The following IPO11 variants were observed in gnomAD, a reference collection of about 807,000 sequenced individuals.
IPO11 encodes importin-11.
Under a neutral mutation model 143.2 loss-of-function variants are expected in IPO11, and 66 were observed. The ratio of observed to expected loss-of-function variants is 0.46; its 90% confidence interval spans 0.38 to 0.57. The LOEUF (loss-of-function observed/expected upper bound fraction) is 0.57, where lower values mean the gene tolerates loss of function less well. Ranked by LOEUF, IPO11 falls within the 20% of genes least tolerant of loss-of-function variation. The pLI, the probability that IPO11 is intolerant of heterozygous loss-of-function variation, is 0.00. For synonymous variants in IPO11, 385 were observed against 377.8 expected, an observed-to-expected ratio of 1.02 and a Z score of -0.22; for missense variants, 1,026 against 1,141.0, an observed-to-expected ratio of 0.90 and a Z score of 1.45.
chr5:62,480,152 A>T (rs1348660966), intron 9 of IPO11, among the ~76,000 whole-genome samples: 1 of 152,218 alleles, frequency 6.6e-6, no homozygotes, highest in Non-Finnish European at 1.5e-5. Flanking sequence ...TCAGCTTTCT[A>T]CATATGGCTA....
chr5:62,577,580 A>G (rs776743832), intron 27 of IPO11, among the ~76,000 whole-genome samples: 6 of 152,104 alleles, frequency 3.9e-5, no homozygotes, highest in Non-Finnish European at 8.8e-5. Flanking sequence ...CCCTACCTCA[A>G]ATTCATATCA....
chr5:62,454,280 C>T (rs767940252), intron 5 of IPO11, among the ~76,000 whole-genome samples: 2 of 152,134 alleles, frequency 1.3e-5, no homozygotes, highest in Admixed American at 6.6e-5. Context: ...GGAAATGGAC[C>T]GTTCACTCAC....
chr5:62,549,642 G>A (rs1743327686), intron 24 of IPO11, among the ~76,000 whole-genome samples: 1 of 152,122 alleles, frequency 6.6e-6, no homozygotes, highest in African/African-American at 2.4e-5. Context: ...TGGGGTAAAT[G>A]TCCTTCTTGG....
At chr5:62,545,372 G>A (rs1158304869) in intron 24 of IPO11, among the ~76,000 whole-genome samples, 1 of 152,150 alleles carries the variant, frequency 6.6e-6, no homozygotes, top group African/African-American at 2.4e-5. Flanking sequence ...TTAATAAATG[G>A]TGCTGGGAAA....
chr5:62,614,853 G>A (rs1746070073), intron 29 of IPO11, among the ~76,000 whole-genome samples: 1 of 152,090 alleles, frequency 6.6e-6, no homozygotes, highest in African/African-American at 2.4e-5. Flanking sequence ...TGAAGATGGT[G>A]AATGTGGGGG....
intron 27 of IPO11, among the ~76,000 whole-genome samples, chr5:62,570,985 A>G (rs191680364): frequency 1.1e-4 from 16 of 152,310 alleles, no homozygotes; most frequent in Admixed American, 3.9e-4. Context: ...AGTTGATGTG[A>G]TATAGAAAAA....
chr5:62,551,192 A>G lies in IPO11; in HGVS notation c.2347-31A>G, dbSNP rs138304551. The G allele has an allele frequency of 8.0e-3, 9,787 of 1,222,062 alleles. 70 individuals carry two copies. The highest frequency in any genetic ancestry group is 0.016 in the South Asian group (1,220 of 75,558). 75.7% of individuals were successfully genotyped at this position (1,222,062 alleles called of 1,614,324 possible). On this transcript the variant is annotated intron_variant, in intron 25 of 29. Coordinates refer to ENST00000325324, the MANE Select transcript of IPO11 (RefSeq NM_016338.5). ...TTGTTTTTACTTGTACCATAACACA[A>G]TTTTACATGTGTTGTATTTTAATTG...
chr5:62,537,650 A>C (rs1742781598), intron 24 of IPO11, among the ~76,000 whole-genome samples: 1 of 152,120 alleles, frequency 6.6e-6, no homozygotes, highest in African/African-American at 2.4e-5. Flanking sequence ...TTATTCTTTC[A>C]TTTTGTTAGT....
intron 27 of IPO11, among the ~76,000 whole-genome samples, chr5:62,585,190 C>T (rs554119271): frequency 1.2e-4 from 19 of 152,180 alleles, no homozygotes; most frequent in African/African-American, 4.6e-4. Context: ...CAACTTAATA[C>T]ATAAGTTGGT....
At chr5:62,522,615 T>C (rs998897375) in intron 20 of IPO11, among the ~76,000 whole-genome samples, 2 of 152,168 alleles carry the variant, frequency 1.3e-5, no homozygotes, top group African/African-American at 4.8e-5. Context: ...TAGGATGGTC[T>C]GGTTGGGTTT....
intron 29 of IPO11, among the ~76,000 whole-genome samples, chr5:62,621,059 C>T (rs546465380): frequency 1.2e-4 from 18 of 152,296 alleles, no homozygotes; most frequent in African/African-American, 4.1e-4. Flanking sequence ...CATTTCTGCT[C>T]ACATTCCATT....
At chr5:62,583,172 T>C (rs1489629511) in intron 27 of IPO11, among the ~76,000 whole-genome samples, 1 of 152,196 alleles carries the variant, frequency 6.6e-6, no homozygotes, top group Non-Finnish European at 1.5e-5. Flanking sequence ...TATTTTTTTC[T>C]TTGTTGTATC....
intron 5 of IPO11, among the ~76,000 whole-genome samples, chr5:62,463,255 A>T (rs1745438435): frequency 6.6e-6 from 1 of 152,098 alleles, no homozygotes; most frequent in South Asian, 2.1e-4. Context: ...TTTGTTGCCT[A>T]GGTGGGTCTT....
chr5:62,461,028 C>T (rs1203972636), intron 5 of IPO11, among the ~76,000 whole-genome samples: 2 of 152,098 alleles, frequency 1.3e-5, no homozygotes, highest in Admixed American at 1.3e-4. Flanking sequence ...TTATCTCTCT[C>T]CCTGCTTTTA....
chr5:62,443,418 T>C (rs868798738), intron 3 of IPO11: 76 of 160,420 alleles, frequency 4.7e-4, no homozygotes, highest in East Asian at 3.8e-3. Context: ...TGTGTGTGTG[T>C]GTGCGTGTGT....
At chr5:62,544,940 A>G (rs1388719027) in intron 24 of IPO11, among the ~76,000 whole-genome samples, 5 of 152,194 alleles carry the variant, frequency 3.3e-5, no homozygotes, top group Admixed American at 6.5e-5. Flanking sequence ...GCTCAACGAA[A>G]TAAAAGAGGA....
At chr5:62,467,373 G>C in intron 6 of IPO11, 110 bp downstream of exon 6, 4 of 1,137,002 alleles carry the variant, frequency 3.5e-6, no homozygotes, top group South Asian at 1.6e-5. Context: ...AAAAATAAGA[G>C]GTTTATTTCT....
chr5:62,527,619 A>C (rs187477339), intron 21 of IPO11, among the ~76,000 whole-genome samples: 1 of 152,242 alleles, frequency 6.6e-6, no homozygotes, highest in South Asian at 2.1e-4. Flanking sequence ...ATTACTGACA[A>C]TATATTAATG....
chr5:62,504,000 A>G (rs541984894), intron 16 of IPO11, among the ~76,000 whole-genome samples: 3 of 152,346 alleles, frequency 2.0e-5, no homozygotes, highest in Non-Finnish European at 4.4e-5. Flanking sequence ...TGTGGAAACT[A>G]TGAATATCTT....
Sources: allele counts gnomAD v4.1 joint callset (sites outside exome capture counted in the v4.1 genomes callset), GRCh38; gene constraint gnomAD v4.1.1; transcripts MANE v1.5; gene names NCBI Gene and HGNC (gene_info 2026-07-23, HGNC 2026-07-21).